LDB2: variants seen among roughly 807,000 people sequenced by gnomAD.
LDB2 encodes LIM domain binding 2.
A neutral mutation model predicts 44.3 loss-of-function variants in LDB2; 12 were observed. That is an observed-to-expected ratio of 0.27 (90% confidence interval 0.17 to 0.44). The LOEUF is 0.44. LDB2 is among the 20% of genes least tolerant of loss of function. The pLI is 1.00. For synonymous variants in LDB2, 164 were observed against 174.8 expected (o/e 0.94, Z 0.49); for missense variants, 344 against 473.5 (o/e 0.73, Z 2.54).
chr4:16,732,957 A>G (rs537675343), intron 2 of LDB2, among the ~76,000 whole-genome samples: 32 of 152,296 alleles, frequency 2.1e-4, no homozygotes, highest in Admixed American at 3.3e-4. Flanking sequence ...AGGCATAGGG[A>G]TGTTCACAAC....
intron 2 of LDB2, among the ~76,000 whole-genome samples, chr4:16,688,208 A>G (rs1174128310): frequency 2.0e-5 from 3 of 152,252 alleles, no homozygotes; most frequent in Non-Finnish European, 4.4e-5. Flanking sequence ...CAGTAGGAAT[A>G]CAGAAGTTCA....
intron 2 of LDB2, among the ~76,000 whole-genome samples, chr4:16,718,296 A>G (rs961138460): frequency 2.6e-5 from 4 of 152,126 alleles, no homozygotes; most frequent in Non-Finnish European, 5.9e-5. Context: ...ATAATTATAT[A>G]TGTAACCTAC....
At position 16,698,555 on chromosome 4, in the gene LDB2, T is replaced by C. The variant is rs964180766; in HGVS notation, c.235+60603A>G. 3.3e-5 allele frequency among the ~76,000 whole-genome samples: 5 copies of C among 152,204 alleles called. No homozygotes were observed. The South Asian group carries it at 1.0e-3, about 31-fold the overall frequency. ...TTTTCATATGTTTATTATTTGCATT[T>C]CTTTCTGAATTTTTTTAATATCCTT... On this transcript the variant is annotated intron_variant, in intron 2 of 7. Coordinates refer to ENST00000304523, the MANE Select transcript of LDB2 (RefSeq NM_001290.5).
rs112588751 is a variant in LDB2 at position 16,895,561 on chromosome 4, T to A, written c.132+2793A>T. ...GGGTGTGTTTGTGTGTGTGTGTGTG[T>A]GAGAGAGATATTAGGACTTAATGAA... On this transcript the variant is annotated intron_variant, in intron 1 of 7. Transcript: ENST00000304523. Among the ~76,000 whole-genome samples the A allele has an allele frequency of 4.2e-3, 641 of 151,900 alleles. 5 individuals are homozygous for A. The highest frequency in any genetic ancestry group is 0.013 in the African/African-American group (536 of 41,410).
chr4:16,721,270 G>A (rs1208308195), intron 2 of LDB2, among the ~76,000 whole-genome samples: 2 of 152,050 alleles, frequency 1.3e-5, no homozygotes, highest in Admixed American at 6.6e-5. Flanking sequence ...AGTTAAATCA[G>A]GGTCAGTTCT....
At chr4:16,851,430 C>T (rs1788222848) in intron 1 of LDB2, among the ~76,000 whole-genome samples, 1 of 151,802 alleles carries the variant, frequency 6.6e-6, no homozygotes, top group Admixed American at 6.6e-5. Flanking sequence ...AAAGTCTCTA[C>T]TAAAAGTATA....
chr4:16,645,854 T>C (rs951663324), intron 2 of LDB2, among the ~76,000 whole-genome samples: 4 of 152,214 alleles, frequency 2.6e-5, no homozygotes, highest in African/African-American at 7.2e-5. Context: ...AATGGAATGA[T>C]AACAGCATCT....
intron 1 of LDB2, among the ~76,000 whole-genome samples, chr4:16,835,509 G>T (rs1784748530): frequency 6.6e-6 from 1 of 152,062 alleles, no homozygotes; most frequent in South Asian, 2.1e-4. Context: ...GATCCAAATT[G>T]TTCATCCATT....
chr4:16,755,620 C>A (rs1766469142), intron 2 of LDB2, among the ~76,000 whole-genome samples: 1 of 151,774 alleles, frequency 6.6e-6, no homozygotes, highest in Non-Finnish European at 1.5e-5. Flanking sequence ...CTGTGGGGCA[C>A]CCACCTAACC....
At chr4:16,760,203 A>G (rs1767590579) in intron 1 of LDB2, among the ~76,000 whole-genome samples, 1 of 152,228 alleles carries the variant, frequency 6.6e-6, no homozygotes, top group South Asian at 2.1e-4. Flanking sequence ...GCTGCCTGTC[A>G]GATGGAAGGG....
At chr4:16,826,864 T>C (rs147594600) in intron 1 of LDB2, among the ~76,000 whole-genome samples, 3 of 151,592 alleles carry the variant, frequency 2.0e-5, no homozygotes, top group Non-Finnish European at 2.9e-5. Flanking sequence ...TAAATGCAAA[T>C]GGAAGGAGCT....
At chr4:16,518,703 G>A (rs150553019) in intron 5 of LDB2, among the ~76,000 whole-genome samples, 1 of 152,220 alleles carries the variant, frequency 6.6e-6, no homozygotes, top group Non-Finnish European at 1.5e-5. Flanking sequence ...AACTAAATCG[G>A]TACTATTCCA....
intron 5 of LDB2, among the ~76,000 whole-genome samples, chr4:16,574,359 G>T (rs77937729): frequency 0.05 from 7,588 of 152,224 alleles, 266 homozygotes; most frequent in East Asian, 0.21. Flanking sequence ...GTACTGGGGA[G>T]AGGTGCCAAA....
chr4:16,615,393 G>T (rs374330331), intron 2 of LDB2, among the ~76,000 whole-genome samples: 1 of 152,212 alleles, frequency 6.6e-6, no homozygotes, highest in East Asian at 1.9e-4. Flanking sequence ...AAGAAAATGC[G>T]GTACATATAT....
chr4:16,839,928 C>T (rs1051186644), intron 1 of LDB2, among the ~76,000 whole-genome samples: 1 of 152,126 alleles, frequency 6.6e-6, no homozygotes. Flanking sequence ...CACACATGCA[C>T]ATTTTGGGCC....
chr4:16,826,641 A>T (rs1696549316), intron 1 of LDB2: 2 of 152,224 alleles, frequency 1.3e-5, no homozygotes, highest in South Asian at 4.1e-4. Context: ...GAGTTCTTCA[A>T]CAAGCGTTTC....
At chr4:16,569,622 A>G (rs1745688133) in intron 5 of LDB2, among the ~76,000 whole-genome samples, 1 of 152,114 alleles carries the variant, frequency 6.6e-6, no homozygotes. Context: ...AAACCATCCT[A>G]TACCAGTAGG....
chr4:16,606,643 A>G (rs1405230747), intron 2 of LDB2, among the ~76,000 whole-genome samples: 2 of 152,184 alleles, frequency 1.3e-5, no homozygotes, highest in Non-Finnish European at 2.9e-5. Flanking sequence ...CAAGTGACTA[A>G]TTTACATTTG....
At chr4:16,794,129 A>G (rs1776289878) in intron 1 of LDB2, among the ~76,000 whole-genome samples, 1 of 152,162 alleles carries the variant, frequency 6.6e-6, no homozygotes, top group Non-Finnish European at 1.5e-5. Context: ...CTTGGAGCTT[A>G]CTAACGACCT....
Sources: allele counts gnomAD v4.1 joint callset (sites outside exome capture counted in the v4.1 genomes callset), GRCh38; gene constraint gnomAD v4.1.1; transcripts MANE v1.5; gene names NCBI Gene and HGNC (gene_info 2026-07-23, HGNC 2026-07-21).